Variants in CREB5 observed in about 807,000 individuals in gnomAD.
CREB5 encodes cyclic AMP-responsive element-binding protein 5.
Under a neutral mutation model 57.1 loss-of-function variants are expected in CREB5, and 19 were observed. The observed-to-expected ratio is 0.33, with a 90% CI of 0.23 to 0.49. The LOEUF (loss-of-function observed/expected upper bound fraction) is 0.49. Among genes scored for constraint, CREB5 ranks in the 20% least tolerant of loss-of-function variants. The pLI is 0.99. For synonymous variants in CREB5, 238 were observed against 238.3 expected (o/e 1.00, Z 0.01); for missense variants, 579 against 671.6 (o/e 0.86, Z 1.52).
chr7:28,445,871 G>A (rs758808362), intron 1 of CREB5, among the ~76,000 whole-genome samples: 4 of 152,210 alleles, frequency 2.6e-5, no homozygotes, highest in Non-Finnish European at 5.9e-5. Flanking sequence ...ACATACTTGA[G>A]AGGGTGAGGG....
chr7:28,469,536 G>A (rs1790725181), intron 1 of CREB5, among the ~76,000 whole-genome samples: 1 of 152,136 alleles, frequency 6.6e-6, no homozygotes, highest in Admixed American at 6.5e-5. Flanking sequence ...AAAAATTAAT[G>A]TCTCTGCCAA....
chr7:28,351,158 C>A (rs1355756136), intron 1 of CREB5, among the ~76,000 whole-genome samples: 1 of 152,128 alleles, frequency 6.6e-6, no homozygotes, highest in Admixed American at 6.5e-5. Context: ...GAAACAAGAG[C>A]TGAACCTATG....
At chr7:28,798,618 G>A (rs540199299) in intron 7 of CREB5, among the ~76,000 whole-genome samples, 8 of 152,224 alleles carry the variant, frequency 5.3e-5, no homozygotes, top group East Asian at 1.9e-4. Flanking sequence ...CTCCCGTCGC[G>A]GATAGTGGAC....
chr7:28,458,083 A>C (rs1014392611), intron 1 of CREB5, among the ~76,000 whole-genome samples: 2 of 152,178 alleles, frequency 1.3e-5, no homozygotes, highest in African/African-American at 4.8e-5. Context: ...AGAGGCTCAG[A>C]AACGGGGGGC....
At chr7:28,682,693 G>GA (rs1800661966) in intron 5 of CREB5, among the ~76,000 whole-genome samples, 1 of 150,694 alleles carries the variant, frequency 6.6e-6, no homozygotes, top group African/African-American at 2.5e-5. Flanking sequence ...GGGGGGGGGG[G>GA]GAAACCCCAG....
intron 5 of CREB5, among the ~76,000 whole-genome samples, chr7:28,579,929 C>T (rs530048074): frequency 1.1e-4 from 17 of 152,150 alleles, no homozygotes; most frequent in Non-Finnish European, 1.9e-4. Flanking sequence ...GTCACTTCAT[C>T]TCATTTTTCT....
At chr7:28,454,742 A>G (rs959033445) in intron 1 of CREB5, among the ~76,000 whole-genome samples, 1 of 152,184 alleles carries the variant, frequency 6.6e-6, no homozygotes, top group Non-Finnish European at 1.5e-5. Context: ...TATGGGTGCT[A>G]TTAAGCATAT....
At chr7:28,745,756 C>G (rs779723970) in intron 7 of CREB5, among the ~76,000 whole-genome samples, 5 of 152,246 alleles carry the variant, frequency 3.3e-5, no homozygotes, top group Admixed American at 2.6e-4. Context: ...CTTCTTACCC[C>G]TGGCAGTCCT....
At chr7:28,507,758 G>T (rs371067938) in intron 4 of CREB5, 21 bp downstream of exon 4, 1 of 1,580,402 alleles carries the variant, frequency 6.3e-7, no homozygotes, top group Non-Finnish European at 8.7e-7. Flanking sequence ...TTGGATGGCC[G>T]CCTTGAGAGG....
At chr7:28,328,729 G>T (rs1157324692) in intron 1 of CREB5, among the ~76,000 whole-genome samples, 2 of 152,182 alleles carry the variant, frequency 1.3e-5, no homozygotes, top group Admixed American at 6.5e-5. Context: ...GTAATCACCT[G>T]CTTAAAAGGC....
intron 7 of CREB5, among the ~76,000 whole-genome samples, chr7:28,785,851 G>A (rs1036309694): frequency 2.0e-5 from 3 of 152,176 alleles, no homozygotes; most frequent in Admixed American, 6.5e-5. Flanking sequence ...TGCCTGCCCT[G>A]AAGAATGCAC....
chr7:28,374,361 A>G (rs1786779883), intron 1 of CREB5, among the ~76,000 whole-genome samples: 2 of 152,222 alleles, frequency 1.3e-5, no homozygotes, highest in African/African-American at 4.8e-5. Flanking sequence ...CATTCCAAAC[A>G]TATTTCCACA....
rs752489770 is a variant in CREB5 at position 28,819,097 on chromosome 7, T to C, written c.1364-19T>C. Reference sequence around the variant, plus strand: ...GGTGTGTGTGTATGTGTGTGTGTTGTCTTTTTTTTTCTCCCTAGGTCCAGA... The same window carrying C: ...GGTGTGTGTGTATGTGTGTGTGTTGCCTTTTTTTTTCTCCCTAGGTCCAGA... On this transcript the variant is annotated intron_variant, in intron 10 of 10. Coordinates refer to ENST00000357727, the MANE Select transcript of CREB5 (RefSeq NM_182898.4). 43 of 1,607,970 alleles carry C rather than the reference T, an allele frequency of 2.7e-5. 1 individual carries two copies. The South Asian group carries it at 4.7e-4, about 17-fold the overall frequency.
chr7:28,753,985 TAA>T (rs541229355), intron 7 of CREB5, among the ~76,000 whole-genome samples: 1 of 139,474 alleles, frequency 7.2e-6, no homozygotes, highest in Non-Finnish European at 1.6e-5. Context: ...TTAAACTCAT[TAA>T]AAAAAAAAAA....
At chr7:28,787,984 AG>A (rs1161909252) in intron 7 of CREB5, among the ~76,000 whole-genome samples, 18 of 152,360 alleles carry the variant, frequency 1.2e-4, no homozygotes, top group African/African-American at 4.3e-4. Flanking sequence ...TTTTGATACC[AG>A]TCAATTTTAA....
intron 7 of CREB5, among the ~76,000 whole-genome samples, chr7:28,794,382 T>C (rs1334900214): frequency 6.6e-6 from 1 of 152,178 alleles, no homozygotes; most frequent in East Asian, 1.9e-4. Flanking sequence ...TTCAAAGACA[T>C]TACATAGTTA....
intron 4 of CREB5, among the ~76,000 whole-genome samples, chr7:28,539,701 T>G (rs1794125127): frequency 6.6e-6 from 1 of 152,202 alleles, no homozygotes; most frequent in Non-Finnish European, 1.5e-5. Context: ...TAGCCTAACC[T>G]CAGTCACTAA....
chr7:28,523,072 A>G (rs216711), intron 4 of CREB5, among the ~76,000 whole-genome samples: 113,255 of 152,054 alleles, frequency 0.74, 42,407 homozygotes, highest in East Asian at 0.85. Context: ...TGGAACCTAT[A>G]TTAGATTCTA....
intron 4 of CREB5, among the ~76,000 whole-genome samples, chr7:28,538,533 T>C (rs1295134423): frequency 6.6e-6 from 1 of 152,224 alleles, no homozygotes; most frequent in Non-Finnish European, 1.5e-5. Flanking sequence ...ATTTTATTAG[T>C]GTTTTTAAAG....
Sources: allele counts gnomAD v4.1 joint callset (sites outside exome capture counted in the v4.1 genomes callset), GRCh38; gene constraint gnomAD v4.1.1; transcripts MANE v1.5; gene names NCBI Gene and HGNC (gene_info 2026-07-23, HGNC 2026-07-21).